SYNE2: variants seen among roughly 807,000 people sequenced by gnomAD.
SYNE2 encodes nesprin-2.
Under a neutral mutation model 856.3 loss-of-function variants are expected in SYNE2, and 431 were observed. The observed-to-expected ratio is 0.50, with a 90% CI of 0.47 to 0.55. The LOEUF (loss-of-function observed/expected upper bound fraction) is 0.55, where lower values mean the gene tolerates loss of function less well. Among genes scored for constraint, SYNE2 ranks in the 20% least tolerant of loss-of-function variants. The pLI, the probability that SYNE2 is intolerant of heterozygous loss-of-function variation, is 0.00. For synonymous variants in SYNE2, 2,923 were observed against 2,872.3 expected (o/e 1.02, Z -0.56); for missense variants, 8,129 against 8,023.2 (o/e 1.01, Z -0.50).
At chr14:64,162,880 G>T (rs181467665) in intron 88 of SYNE2, 195 of 193,696 alleles carry the variant, frequency 1.0e-3, no homozygotes, top group African/African-American at 4.3e-3. Context: ...AACAGATAAT[G>T]CTCTGTACAT....
intron 99 of SYNE2, among the ~76,000 whole-genome samples, chr14:64,193,411 G>A (rs184810980): frequency 2.0e-5 from 3 of 152,100 alleles, no homozygotes; most frequent in East Asian, 1.9e-4. Context: ...CTACCTGGGC[G>A]TGGTGGTGCG....
intron 63 of SYNE2, among the ~76,000 whole-genome samples, chr14:64,101,075 T>A (rs1361565479): frequency 6.6e-6 from 1 of 152,188 alleles, no homozygotes; most frequent in Non-Finnish European, 1.5e-5. Context: ...TTAGGTTAAT[T>A]CCGTATCTTG....
At position 64,146,888 on chromosome 14, in the gene SYNE2, G is replaced by A. The variant is rs79450273; in HGVS notation, c.15639+665G>A. On this transcript the variant is annotated intron_variant, in intron 84 of 115. Coordinates refer to ENST00000555002, the MANE Select transcript of SYNE2 (RefSeq NM_182914.3). The stretch of plus-strand genomic sequence containing the variant: ...GACGGCCTTACAATAGTCACTGTCA[G>A]GACTGGAAAGTCTGGCCGGACCCCA... 6.3e-3 allele frequency among the ~76,000 whole-genome samples: 953 copies of A among 152,340 alleles called. 12 individuals are homozygous for A. Among genetic ancestry groups the A allele is most frequent in the African/African-American group, 0.022 (909 of 41,582 alleles).
In SYNE2 at chr14:64,215,353, T is replaced by C; in HGVS notation, c.19401T>C (p.Ser6467=). 7 of 1,614,100 alleles carry C rather than the reference T, an allele frequency of 4.3e-6. No individual in the cohort carries two copies. The highest frequency in any genetic ancestry group is 5.9e-6 in the Non-Finnish European group (7 of 1,180,012). The change falls in exon 107 of 116, where the codon TCT becomes TCC. Residue 6467 remains serine (S), a splice_region_variant and synonymous_variant. Transcript: ENST00000555002. ...KMTTKTLKAS[S]GKSISDGHSW... ...CCACAAAAACTTTGAAAGCGTCTTC[T>C]GGTAGGCCCCCGCCCATGCATGTGT...
At chr14:64,091,419 C>T (rs921863749) in intron 60 of SYNE2, among the ~76,000 whole-genome samples, 1 of 152,182 alleles carries the variant, frequency 6.6e-6, no homozygotes, top group African/African-American at 2.4e-5. Context: ...TATTGATTTT[C>T]TCATTACCAA....
Position 63,978,904 on chromosome 14 carries a change from T to A in SYNE2, c.1459T>A (p.Tyr487Asn). 6.2e-7 allele frequency: 1 copy of A among 1,613,020 alleles called. No homozygotes were observed. Among genetic ancestry groups the A allele is most frequent in the South Asian group, 1.1e-5 (1 of 91,048 alleles). ...KFILLLEFHYYKCLVLGLVDE... is the reference protein window; with the variant it reads ...KFILLLEFHYNKCLVLGLVDE... Reference sequence around the variant, plus strand: ...TATTCTACTTCTAGAATTTCATTACTACAAGTGCTTAGTTCTTGGTTTGGT... The same window carrying A: ...TATTCTACTTCTAGAATTTCATTACAACAAGTGCTTAGTTCTTGGTTTGGT... Residue 487 changes from tyrosine (Y) to asparagine (N), a missense_variant, in exon 14 of 116, where the codon TAC (tyrosine) becomes AAC (asparagine). This residue lies in a region of SYNE2 where 2,422 missense variants were observed against 2,357.4 expected (regional missense o/e 1.03). Transcript: ENST00000555002.
intron 57 of SYNE2, chr14:64,084,849 G>A (rs530998173): frequency 1.1e-4 from 74 of 656,312 alleles, no homozygotes; most frequent in Admixed American, 6.0e-4. Flanking sequence ...TCAAGGTGTC[G>A]ACAAAGGCTG....
At chr14:63,926,696 G>A (rs1050232287) in intron 2 of SYNE2, among the ~76,000 whole-genome samples, 5 of 152,162 alleles carry the variant, frequency 3.3e-5, no homozygotes, top group African/African-American at 1.2e-4. Context: ...AGATACTATT[G>A]TCCCCATTTT....
rs754431108 is a variant in SYNE2, at chr14:63,977,957, A to T, written c.1346A>T (p.Asn449Ile). ...HHSNILLTFENKDENHLPLVP... is the reference protein window; with the variant it reads ...HHSNILLTFEIKDENHLPLVP... ...TCGAACATTCTCCTTACCTTTGAAAATAAGGATGAAAATCACTTGCCATTG... is the reference window on the plus strand; with the variant it reads ...TCGAACATTCTCCTTACCTTTGAAATTAAGGATGAAAATCACTTGCCATTG... Residue 449 changes from asparagine (N) to isoleucine (I), a missense_variant, in exon 13 of 116, where the codon AAT becomes ATT. Physicochemically the swap from Asn to Ile is moderately radical, Grantham distance 149. Transcript: ENST00000555002. 1.2e-6 allele frequency: 2 copies of T among 1,613,936 alleles called. No individual in the cohort carries two copies. Among genetic ancestry groups the T allele is most frequent in the Admixed American group, 3.3e-5 (2 of 60,004 alleles).
intron 32 of SYNE2, among the ~76,000 whole-genome samples, chr14:64,013,323 A>ATTTTTTTTTTTTT (rs57074861): frequency 1.5e-5 from 2 of 136,280 alleles, no homozygotes; most frequent in Non-Finnish European, 3.3e-5. Context: ...TCCTCATTAA[A>ATTTTTTTTTTTTT]TTTTTTTTTT....
chr14:63,781,043 G>A lies in SYNE2; in HGVS notation c.-305+19057G>A, dbSNP rs185017733. ...TGTAATCCCAGCCCTTTGGGAGGCC[G>A]AGGTGGGCGGATTACCTGAGGTCAG... On this transcript the variant is annotated intron_variant, in intron 1 of 23. Transcript: ENST00000674003. 5.7e-3 allele frequency among the ~76,000 whole-genome samples: 871 copies of A among 152,236 alleles called. 5 individuals are homozygous for A. The highest frequency in any genetic ancestry group is 0.019 in the African/African-American group (801 of 41,546).
rs142902034 is a variant in SYNE2, at chr14:64,027,796, G to A, written c.6714+3G>A. The A allele has an allele frequency of 5.4e-4, 866 of 1,612,420 alleles. 3 individuals carry two copies. In the African/African-American group the frequency reaches 0.011, roughly 20 times the overall value. On this transcript the variant is annotated splice_donor_region_variant and intron_variant, in intron 43 of 115. Coordinates refer to ENST00000555002, the MANE Select transcript of SYNE2 (RefSeq NM_182914.3). The stretch of plus-strand genomic sequence containing the variant: ...AAAGTCTTCTTCAACAACTGCAGGT[G>A]AGGTGGTCAAAATAATGCTTTAAAT...
At chr14:64,169,453 G>A (rs79841710) in intron 93 of SYNE2, among the ~76,000 whole-genome samples, 34 of 152,344 alleles carry the variant, frequency 2.2e-4, no homozygotes, top group African/African-American at 8.2e-4. Context: ...TGCCAATCAG[G>A]CTGAACAGAG....
At chr14:63,845,282 G>C (rs1357414367) in intron 1 of SYNE2, among the ~76,000 whole-genome samples, 1 of 152,022 alleles carries the variant, frequency 6.6e-6, no homozygotes, top group Non-Finnish European at 1.5e-5. Flanking sequence ...CAGGCATGGT[G>C]GTGGGCACCT....
At chr14:63,972,944 A>G (rs920896499) in intron 11 of SYNE2, among the ~76,000 whole-genome samples, 4 of 152,220 alleles carry the variant, frequency 2.6e-5, no homozygotes, top group Non-Finnish European at 5.9e-5. Flanking sequence ...AGTACATGCT[A>G]ACTTGTTTAT....
intron 1 of SYNE2, among the ~76,000 whole-genome samples, chr14:63,903,922 G>A (rs1328832179): frequency 6.6e-6 from 1 of 151,788 alleles, no homozygotes; most frequent in African/African-American, 2.4e-5. Context: ...ATTGTAACCA[G>A]GTGGTGAGCA....
intron 1 of SYNE2, among the ~76,000 whole-genome samples, chr14:63,827,653 AAAAG>A: frequency 6.7e-6 from 1 of 148,822 alleles, no homozygotes; most frequent in African/African-American, 2.5e-5. Flanking sequence ...AAAAAAAAAA[AAAAG>A]AAAGAAAAAG....
Position 64,216,034 on chromosome 14 carries a change from C to T in SYNE2, c.19403-214C>T, listed in dbSNP as rs2098664838. On this transcript the variant is annotated intron_variant, in intron 107 of 115. Coordinates refer to ENST00000555002, the MANE Select transcript of SYNE2 (RefSeq NM_182914.3). ...TCATCCCACAGCAAATCATGTTGGT[C>T]GTGCTCCGTTGTGTACCCATCTAGT... 11 of 1,465,158 alleles carry T rather than the reference C, an allele frequency of 7.5e-6. No homozygotes were observed. In the East Asian group the frequency reaches 1.0e-4, roughly 13 times the overall value. The allele number at this position is 1,465,158 out of a possible 1,614,324, so 90.8% of individuals were successfully genotyped here.
intron 45 of SYNE2, among the ~76,000 whole-genome samples, chr14:64,045,989 A>T (rs2097183530): frequency 6.6e-6 from 1 of 152,190 alleles, no homozygotes; most frequent in Admixed American, 6.5e-5. Context: ...CTTGTTGGGG[A>T]TGTGGACATG....
Sources: gnomAD v4.1 joint callset for allele counts (sites outside exome capture counted in the v4.1 genomes callset) on GRCh38, gnomAD v4.1.1 for gene constraint, gnomAD v4.1.1 regional missense constraint, MANE v1.5 for transcripts, NCBI Gene and HGNC (gene_info 2026-07-23, HGNC 2026-07-21) for gene names.